Variants in ZNF362 observed in about 807,000 individuals in gnomAD.
ZNF362 encodes the protein rotund homolog.
A neutral mutation model predicts 42.9 loss-of-function variants in ZNF362; 11 were observed. The observed-to-expected ratio is 0.26, with a 90% CI of 0.16 to 0.42. The LOEUF (loss-of-function observed/expected upper bound fraction) is 0.42. Among genes scored for constraint, ZNF362 ranks in the 20% least tolerant of loss-of-function variants. ZNF362 has a pLI of 1.00. For synonymous variants in ZNF362, 255 were observed against 257.3 expected (o/e 0.99, Z 0.09); for missense variants, 362 against 576.2 (o/e 0.63, Z 3.81).
the ZNF362 span, among the ~76,000 whole-genome samples, chr1:33,173,514 T>C: frequency 6.6e-6 from 1 of 152,036 alleles, no homozygotes; most frequent in East Asian, 1.9e-4. Context: ...TGCTTTTCCA[T>C]TCTTACCTCC....
chr1:33,257,842 AC>A (rs1363163538), intron 1 of ZNF362, among the ~76,000 whole-genome samples: 3 of 151,650 alleles, frequency 2.0e-5, no homozygotes, highest in Non-Finnish European at 4.4e-5. Flanking sequence ...GGTGGCCAGG[AC>A]CCCCCGTGTA....
chr1:33,275,374 C>T (rs767267342), intron 2 of ZNF362: 13 of 985,400 alleles, frequency 1.3e-5, no homozygotes, highest in Non-Finnish European at 1.6e-5. Flanking sequence ...TACCAAAGAG[C>T]CGCAGACTGC....
At chr1:33,229,802 T>C in the ZNF362 span, among the ~76,000 whole-genome samples, 1,385 of 152,278 alleles carry the variant, frequency 9.1e-3, 22 homozygotes, top group African/African-American at 0.032. Context: ...CCTTTAGCGA[T>C]TACAATTGTC....
chr1:33,135,308 A>C, the ZNF362 span, among the ~76,000 whole-genome samples: 5 of 151,950 alleles, frequency 3.3e-5, no homozygotes, highest in African/African-American at 1.2e-4. Context: ...ACAAACAAAC[A>C]AACCAAACAA....
At chr1:33,130,927 T>G in the ZNF362 span, among the ~76,000 whole-genome samples, 1 of 152,198 alleles carries the variant, frequency 6.6e-6, no homozygotes, top group Non-Finnish European at 1.5e-5. Flanking sequence ...TGGAGTTGGA[T>G]GTGGGAAGGA....
At chr1:33,230,576 C>A in the ZNF362 span, among the ~76,000 whole-genome samples, 1 of 152,212 alleles carries the variant, frequency 6.6e-6, no homozygotes, top group African/African-American at 2.4e-5. Context: ...GCTAAGTGTT[C>A]GCACGTGCAG....
the ZNF362 span, among the ~76,000 whole-genome samples, chr1:33,229,984 G>A: frequency 6.6e-6 from 1 of 152,140 alleles, no homozygotes; most frequent in African/African-American, 2.4e-5. Flanking sequence ...ATACCATTTA[G>A]AGATAAGCAC....
intron 2 of ZNF362, among the ~76,000 whole-genome samples, chr1:33,275,869 A>G (rs1439600720): frequency 6.7e-6 from 1 of 149,568 alleles, no homozygotes; most frequent in Non-Finnish European, 1.5e-5. Flanking sequence ...CCTTTGCCCT[A>G]TGGGGCCCAC....
intron 2 of ZNF362, among the ~76,000 whole-genome samples, chr1:33,275,727 G>C (rs1287779728): frequency 6.6e-6 from 1 of 152,180 alleles, no homozygotes; most frequent in Non-Finnish European, 1.5e-5. Flanking sequence ...CTCTGGACTT[G>C]GGGGGCCTTC....
At chr1:33,217,780 TCA>T in the ZNF362 span, among the ~76,000 whole-genome samples, 3 of 150,868 alleles carry the variant, frequency 2.0e-5, no homozygotes, top group African/African-American at 7.3e-5. Flanking sequence ...CTCCTTATGT[TCA>T]CACACACACA....
chr1:33,193,046 G>A, the ZNF362 span, among the ~76,000 whole-genome samples: 2 of 143,570 alleles, frequency 1.4e-5, no homozygotes, highest in Non-Finnish European at 3.1e-5. Flanking sequence ...CAGGTTCCAG[G>A]GTTTACTTTC....
At chr1:33,235,128 T>TTACTCTTC in the ZNF362 span, among the ~76,000 whole-genome samples, 1 of 152,142 alleles carries the variant, frequency 6.6e-6, no homozygotes, top group African/African-American at 2.4e-5. Context: ...TTAGGACACT[T>TTACTCTTC]GGGAACTCCT....
intron 6 of ZNF362, among the ~76,000 whole-genome samples, chr1:33,288,765 A>AAAAAAAAAAAAAATAAAAAAAAAAGGG (rs1646051958): frequency 7.5e-6 from 1 of 133,618 alleles, no homozygotes; most frequent in Non-Finnish European, 1.7e-5. Flanking sequence ...AAAAAAAAGA[A>AAAAAAAAAAAAAATAAAAAAAAAAGGG]GCGTGACCAC....
chr1:33,160,725 A>G, the ZNF362 span, among the ~76,000 whole-genome samples: 1 of 152,194 alleles, frequency 6.6e-6, no homozygotes, highest in African/African-American at 2.4e-5. Flanking sequence ...TTTTAAAAAA[A>G]TCATTCATGG....
Position 33,295,252 on chromosome 1 carries a change from A to G in ZNF362, c.1093A>G (p.Ile365Val), listed in dbSNP as rs1346311401. The change falls in exon 8 of 9, where the codon ATC (isoleucine) becomes GTC (valine). Residue 365 changes from isoleucine (I) to valine (V), a missense_variant. By Grantham distance (29) the Ile-to-Val change is conservative. This residue lies in a region of ZNF362 where 68 missense variants were observed against 107.4 expected (regional missense o/e 0.63). Coordinates refer to ENST00000539719, the MANE Select transcript of ZNF362 (RefSeq NM_152493.3). ...SLQIHLSAHA[I>V]KHAKAYCCSM... ...GCAGATCCACCTCTCGGCCCACGCC[A>G]TCAAGCACGCCAAGGCCTACTGCTG... 3.7e-6 allele frequency: 6 copies of G among 1,614,092 alleles called. No homozygotes were observed. Among genetic ancestry groups the G allele is most frequent in the African/African-American group, 1.3e-5 (1 of 74,936 alleles).
At chr1:33,161,043 C>A in the ZNF362 span, among the ~76,000 whole-genome samples, 1 of 152,216 alleles carries the variant, frequency 6.6e-6, no homozygotes, top group African/African-American at 2.4e-5. The surrounding 1 kb of genome is among the most constrained non-coding windows in gnomAD (Gnocchi z 4.3). Flanking sequence ...ATGGCAACGT[C>A]AGTTGCCTAA....
chr1:33,177,070 C>T, the ZNF362 span, among the ~76,000 whole-genome samples: 5 of 10,832 alleles, frequency 4.6e-4, no homozygotes, highest in African/African-American at 1.2e-3. The surrounding 1 kb of genome is among the most constrained non-coding windows in gnomAD (Gnocchi z 4.1). Context: ...CACACATGCA[C>T]ACACACACAT....
At chr1:33,257,461 C>T (rs1229923105) in intron 1 of ZNF362, among the ~76,000 whole-genome samples, 14 of 148,208 alleles carry the variant, frequency 9.4e-5, no homozygotes, top group Admixed American at 6.7e-4. Flanking sequence ...TGAAATGCCG[C>T]GAAAGGATCT....
chr1:33,188,099 T>C, the ZNF362 span, among the ~76,000 whole-genome samples: 8 of 152,138 alleles, frequency 5.3e-5, no homozygotes, highest in East Asian at 3.9e-4. Context: ...CCGGGGGTGG[T>C]GGCGGGTGCC....
Sources: allele counts gnomAD v4.1 joint callset (sites outside exome capture counted in the v4.1 genomes callset), GRCh38; gene constraint gnomAD v4.1.1; regional missense constraint gnomAD v4.1.1; non-coding constraint Gnocchi (gnomAD v3.1); transcripts MANE v1.5; gene names NCBI Gene and HGNC (gene_info 2026-07-23, HGNC 2026-07-21).